TTC34: variants seen among roughly 807,000 people sequenced by gnomAD.
The protein encoded by TTC34 is tetratricopeptide repeat domain 34.
A neutral mutation model predicts 40.7 loss-of-function variants in TTC34; 44 were observed. That is an observed-to-expected ratio of 1.08 (90% CI 0.85 to 1.39). TTC34 has a LOEUF of 1.39. Ranked by LOEUF, TTC34 falls within the 40% of genes most tolerant of loss-of-function variation. The probability of loss-of-function intolerance (pLI) is 0.00; values close to 1 mark genes in which losing one functional copy is unlikely to be tolerated. For synonymous variants in TTC34, 422 were observed against 398.6 expected (o/e 1.06, Z -0.70); for missense variants, 884 against 838.0 (o/e 1.05, Z -0.68).
At chr1:2,749,499 G>T (rs1397048492) in intron 6 of TTC34, among the ~76,000 whole-genome samples, 33 of 15,078 alleles carry the variant, frequency 2.2e-3, no homozygotes, top group South Asian at 7.4e-3. Context: ...GGTGAGCATT[G>T]GACAGCCTGG....
chr1:2,767,773 T>A (rs1211684662), intron 6 of TTC34, among the ~76,000 whole-genome samples: 2 of 130,922 alleles, frequency 1.5e-5, no homozygotes, highest in South Asian at 2.7e-4. Context: ...GCACCCCCAG[T>A]TGAGCATCTG....
At chr1:2,691,605 C>A (rs1429957730) in intron 6 of TTC34, among the ~76,000 whole-genome samples, 1 of 125,674 alleles carries the variant, frequency 8.0e-6, no homozygotes, top group Non-Finnish European at 1.8e-5. Context: ...CCCTGACAGC[C>A]TGGAACAGCA....
rs1383677253 is a variant in TTC34 at position 2,748,516 on chromosome 1, C to A, written c.2226+35093G>T. 1.5e-3 allele frequency among the ~76,000 whole-genome samples: 203 copies of A among 131,574 alleles called. 1 individual carries two copies. Among genetic ancestry groups the A allele is most frequent in the African/African-American group, 4.9e-3 (170 of 34,410 alleles). The allele number at this position is 131,574 out of a possible 152,430, so 86.3% of individuals were successfully genotyped here. On this transcript the variant is annotated intron_variant, in intron 6 of 8. Transcript: ENST00000401095. ...GCATCCGATAGCCTGGAGCAGCACC[C>A]ACACCCTCAGGTGAGCATCTGACAG...
At chr1:2,769,351 G>C in intron 6 of TTC34, among the ~76,000 whole-genome samples, 1 of 25,938 alleles carries the variant, frequency 3.9e-5, no homozygotes, top group East Asian at 1.2e-3. Context: ...CACGCCCCCA[G>C]GTGAGCACCT....
chr1:2,644,754 G>A (rs746617838), intron 7 of TTC34, among the ~76,000 whole-genome samples: 1 of 152,186 alleles, frequency 6.6e-6, no homozygotes, highest in Non-Finnish European at 1.5e-5. Flanking sequence ...GCAAACTCTG[G>A]GCCTGCTGGC....
intron 6 of TTC34, among the ~76,000 whole-genome samples, chr1:2,752,648 C>T (rs1440591955): frequency 0.015 from 1,913 of 128,422 alleles, 263 homozygotes; most frequent in Admixed American, 0.025. Context: ...GAACTGCACA[C>T]ACACCCCCAG....
chr1:2,773,328 G>A (rs1478475616), intron 6 of TTC34, among the ~76,000 whole-genome samples: 3 of 93,922 alleles, frequency 3.2e-5, no homozygotes, highest in African/African-American at 7.2e-5. Flanking sequence ...GCCCGGAGCA[G>A]CGTCCACACC....
intron 7 of TTC34, among the ~76,000 whole-genome samples, chr1:2,644,986 G>A (rs1199650089): frequency 6.6e-6 from 1 of 152,140 alleles, no homozygotes; most frequent in Non-Finnish European, 1.5e-5. Flanking sequence ...GAGAAACAAC[G>A]ACTGGAGGTG....
chr1:2,791,960 TTTTCA>T (rs1557693292), intron 2 of TTC34, among the ~76,000 whole-genome samples: 1 of 150,906 alleles, frequency 6.6e-6, no homozygotes, highest in Non-Finnish European at 1.5e-5. Flanking sequence ...GTCGCTAATA[TTTTCA>T]TTTCAATTAT....
chr1:2,755,746 C>T (rs1408089350), intron 6 of TTC34, among the ~76,000 whole-genome samples: 4 of 134,998 alleles, frequency 3.0e-5, no homozygotes, highest in South Asian at 2.5e-4. Context: ...ACCCACACAC[C>T]CAGGCGAGCA....
rs1326793862 is a variant in TTC34, at chr1:2,761,324, C to A, written c.2226+22285G>T. Among the ~76,000 whole-genome samples, 3 of 82,064 alleles carry A rather than the reference C, an allele frequency of 3.7e-5. 1 individual carries two copies. Among genetic ancestry groups the A allele is most frequent in the African/African-American group, 1.7e-4 (2 of 11,902 alleles). 53.8% of individuals were successfully genotyped at this position (82,064 alleles called of 152,430 possible). On this transcript the variant is annotated intron_variant, in intron 6 of 8. Transcript: ENST00000401095. ...CGACAGCCTGGAGCAGCACCCACAA[C>A]CCCAGGTGAGTATCTGACAGCCTGG...
chr1:2,657,376 C>A (rs867368454), intron 6 of TTC34, among the ~76,000 whole-genome samples: 1 of 95,530 alleles, frequency 1.0e-5, no homozygotes, highest in Non-Finnish European at 2.8e-5. Flanking sequence ...GAGCAGCACC[C>A]ACACCCCGAG....
At chr1:2,651,732 G>T (rs1474754746) in intron 6 of TTC34, among the ~76,000 whole-genome samples, 1 of 151,352 alleles carries the variant, frequency 6.6e-6, no homozygotes, top group African/African-American at 2.4e-5. Flanking sequence ...ACCTTCAGGT[G>T]ATTATCTGAC....
At chr1:2,685,164 C>T (rs200794152) in intron 6 of TTC34, among the ~76,000 whole-genome samples, 575 of 14,132 alleles carry the variant, frequency 0.041, 34 homozygotes, top group African/African-American at 0.16. Flanking sequence ...CACAACCCCA[C>T]GTGAGCATCT....
chr1:2,652,649 A>AG (rs1639188883), intron 6 of TTC34, among the ~76,000 whole-genome samples: 2 of 144,568 alleles, frequency 1.4e-5, no homozygotes, highest in South Asian at 2.3e-4. Flanking sequence ...CCACACCCCC[A>AG]GGTGAGAACC....
At chr1:2,684,283 C>G (rs71514345) in intron 6 of TTC34, among the ~76,000 whole-genome samples, 1 of 49,602 alleles carries the variant, frequency 2.0e-5, no homozygotes, top group African/African-American at 7.0e-5. Flanking sequence ...CGCCCACAGG[C>G]AAGCATATGA....
At chr1:2,686,792 AGCACC>A (rs1640376884) in intron 6 of TTC34, among the ~76,000 whole-genome samples, 1 of 141,626 alleles carries the variant, frequency 7.1e-6, no homozygotes, top group Non-Finnish European at 1.5e-5. Flanking sequence ...AGCCTGGATC[AGCACC>A]CACACCCCCA....
intron 6 of TTC34, among the ~76,000 whole-genome samples, chr1:2,686,833 GCAC>G (rs1640380326): frequency 1.1e-5 from 1 of 87,168 alleles, no homozygotes; most frequent in African/African-American, 6.1e-5. Flanking sequence ...GCCTGGAGCA[GCAC>G]CCCACACCCC....
chr1:2,694,148 C>T (rs576766806), intron 6 of TTC34, among the ~76,000 whole-genome samples: 6 of 128,080 alleles, frequency 4.7e-5, no homozygotes, highest in South Asian at 5.5e-4. Flanking sequence ...AGCACACACA[C>T]CCCCAGGCGA....
Sources: allele counts gnomAD v4.1 joint callset (sites outside exome capture counted in the v4.1 genomes callset), GRCh38; gene constraint gnomAD v4.1.1; transcripts MANE v1.5; gene names NCBI Gene and HGNC (gene_info 2026-07-23, HGNC 2026-07-21).